Variants in C3orf62 observed in about 807,000 individuals in gnomAD.
C3orf62 encodes uncharacterized protein C3orf62.
C3orf62 carries 16 observed loss-of-function variants against 21.7 expected under a neutral mutation model. The observed-to-expected ratio is 0.74, with a 90% CI of 0.50 to 1.12. The LOEUF (loss-of-function observed/expected upper bound fraction) is 1.12. Ranked by LOEUF, C3orf62 falls within the 50% of genes most tolerant of loss-of-function variation. The pLI, the probability that C3orf62 is intolerant of heterozygous loss-of-function variation, is 0.00. For synonymous variants in C3orf62, 114 were observed against 117.0 expected, an observed-to-expected ratio of 0.97 and a Z score of 0.17; for missense variants, 310 against 318.8, an observed-to-expected ratio of 0.97 and a Z score of 0.21.
Position 49,276,543 on chromosome 3 carries a change from C to T in C3orf62, c.330G>A (p.Glu110=). 1.2e-6 allele frequency: 2 copies of T among 1,614,218 alleles called. No homozygotes were observed. The highest frequency in any genetic ancestry group is 2.2e-5 in the South Asian group (2 of 91,082). The change falls in exon 1 of 3, where the codon GAG becomes GAA. Residue 110 remains glutamate (E), a synonymous_variant. Transcript: ENST00000343010. Reference sequence around the variant, plus strand: ...TTTCCTTGCTGGTTAGAGGTTTTCTCTCGGGGCACAGAGCATGTGGTTTTG... The same window carrying T: ...TTTCCTTGCTGGTTAGAGGTTTTCTTTCGGGGCACAGAGCATGTGGTTTTG... ...VNAKPHALCP[E]RKPLTSKENV...
rs1020358122 is a variant in C3orf62 at position 49,276,720 on chromosome 3, G to A, written c.153C>T (p.Ala51=). Residue 51 remains alanine, a synonymous_variant, in exon 1 of 3, where the codon GCC becomes GCT. Coordinates refer to ENST00000343010, the MANE Select transcript of C3orf62 (RefSeq NM_198562.3). ...CTGQQRLELS[A]APLSFSLPVH... Reference sequence around the variant, plus strand: ...CGGGCAGCGAGAAGGAGAGCGGCGCGGCGCTCAGTTCCAGCCTCTGCTGGC... The same window carrying A: ...CGGGCAGCGAGAAGGAGAGCGGCGCAGCGCTCAGTTCCAGCCTCTGCTGGC... 2.5e-6 allele frequency: 4 copies of A among 1,614,174 alleles called. No individual in the cohort carries two copies. Among genetic ancestry groups the A allele is most frequent in the Non-Finnish European group, 2.5e-6 (3 of 1,180,032 alleles).
At chr3:49,275,416 A>G (rs1479575865) in intron 1 of C3orf62, among the ~76,000 whole-genome samples, 1 of 150,426 alleles carries the variant, frequency 6.6e-6, no homozygotes, top group African/African-American at 2.4e-5. Context: ...ACCAATATAA[A>G]TATTTGTGGA....
chr3:49,273,960 A>T, intron 2 of C3orf62, 89 bp downstream of exon 2: 1 of 952,586 alleles, frequency 1.0e-6, no homozygotes, highest in Non-Finnish European at 1.7e-6. Context: ...GGCCGAGAGC[A>T]TTTCTTATAT....
Position 49,277,132 on chromosome 3 carries a change from G to A in C3orf62, c.-260C>T, listed in dbSNP as rs547012372. On this transcript the variant is annotated 5_prime_UTR_variant, in exon 1 of 3. Transcript: ENST00000343010. ...GCCCCACCGCGGCTCCCAGGCCGCT[G>A]GCCCTACCGGCACCCCCCCTTTGGC... 1.8e-4 allele frequency: 259 copies of A among 1,461,302 alleles called. 1 individual carries two copies. The East Asian group carries it at 7.4e-3, about 42-fold the overall frequency. The allele number at this position is 1,461,302 out of a possible 1,614,324, so 90.5% of individuals were successfully genotyped here. A position where few individuals can be genotyped will look rare whatever the true frequency, so the allele number is the denominator to read the frequency against.
At chr3:49,275,527 T>TTG (rs1393935224) in intron 1 of C3orf62, among the ~76,000 whole-genome samples, 4 of 90,996 alleles carry the variant, frequency 4.4e-5, no homozygotes, top group East Asian at 3.0e-4. Flanking sequence ...AAGTTTTTTT[T>TTG]TTTTTTTTTT....
At chr3:49,272,614 G>A (rs1007082642) in intron 2 of C3orf62, among the ~76,000 whole-genome samples, 11 of 126,384 alleles carry the variant, frequency 8.7e-5, no homozygotes, top group African/African-American at 2.4e-4. Context: ...GTGCGATCTC[G>A]GCTCACTGCA....
rs1449707116 is a variant in C3orf62 at position 49,275,593 on chromosome 3, T to C, written c.446+834A>G. Among the ~76,000 whole-genome samples, 32 of 120,040 alleles carry C rather than the reference T, an allele frequency of 2.7e-4. No homozygotes were observed. In the East Asian group the frequency reaches 6.7e-3, roughly 25 times the overall value. 78.8% of individuals were successfully genotyped at this position (120,040 alleles called of 152,430 possible). A position where few individuals can be genotyped will look rare whatever the true frequency, so the allele number is the denominator to read the frequency against. On this transcript the variant is annotated intron_variant, in intron 1 of 2. Transcript: ENST00000343010. ...TCGCCCAGGCTGGAGTGCAGTGGCG[T>C]GATCTCGGCTCACTGCAAGCTCCGC...
intron 1 of C3orf62, among the ~76,000 whole-genome samples, chr3:49,275,529 T>TTG (rs2046949096): frequency 8.8e-6 from 1 of 114,180 alleles, no homozygotes; most frequent in East Asian, 2.7e-4. Flanking sequence ...GTTTTTTTTT[T>TTG]TTTTTTTTTT....
Position 49,271,385 on chromosome 3 carries a change from A to T in C3orf62, c.599T>A (p.Leu200Ter). The T allele has an allele frequency of 6.2e-7, 1 of 1,614,178 alleles. No individual in the cohort carries two copies. Among genetic ancestry groups the T allele is most frequent in the South Asian group, 1.1e-5 (1 of 91,086 alleles). The change falls in exon 3 of 3, where the codon TTG (leucine) becomes TAG (stop). Residue 200 changes from leucine (L) to a stop codon, truncating the protein, a stop_gained. Coordinates refer to ENST00000343010, the MANE Select transcript of C3orf62 (RefSeq NM_198562.3). LOFTEE classifies it high-confidence loss of function. ...LAGKIEFENELNHMCGHCQDS... is the reference protein window; with the variant it reads ...LAGKIEFENE ...TTGGCAATGACCACACATGTGGTTC[A>T]ATTCGTTTTCAAATTCTATTTTTCC...
In C3orf62 at chr3:49,277,021, C is replaced by T; in HGVS notation, c.-149G>A. On this transcript the variant is annotated 5_prime_UTR_variant, in exon 1 of 3. Coordinates refer to ENST00000343010, the MANE Select transcript of C3orf62 (RefSeq NM_198562.3). ...TGGAGTAGGCGGTTCTCGGCTCTCG[C>T]GGAGGAACCCGCCATCTGCCAGAAG... The T allele has an allele frequency of 2.1e-6, 3 of 1,461,112 alleles. No individual in the cohort carries two copies. Among genetic ancestry groups the T allele is most frequent in the Non-Finnish European group, 2.7e-6 (3 of 1,109,672 alleles). The allele number at this position is 1,461,112 out of a possible 1,614,324, so 90.5% of individuals were successfully genotyped here.
intron 2 of C3orf62, among the ~76,000 whole-genome samples, chr3:49,272,864 A>C (rs946676057): frequency 3.3e-5 from 5 of 151,870 alleles, no homozygotes; most frequent in Non-Finnish European, 7.4e-5. Flanking sequence ...TTTTCTCCTA[A>C]TCTTTAATTA....
In C3orf62 at chr3:49,277,138, A is replaced by G; in HGVS notation, c.-266T>C. 1 of 1,452,100 alleles carries G rather than the reference A, an allele frequency of 6.9e-7. No individual in the cohort carries two copies. Among genetic ancestry groups the G allele is most frequent in the Non-Finnish European group, 9.1e-7 (1 of 1,092,914 alleles). The allele number at this position is 1,452,100 out of a possible 1,614,324, so 90.0% of individuals were successfully genotyped here. A position where few individuals can be genotyped will look rare whatever the true frequency, so the allele number is the denominator to read the frequency against. On this transcript the variant is annotated 5_prime_UTR_variant, in exon 1 of 3. An upstream open reading frame in the 5' UTR loses its in-frame stop. Coordinates refer to ENST00000343010, the MANE Select transcript of C3orf62 (RefSeq NM_198562.3). ...CCGCGGCTCCCAGGCCGCTGGCCCT[A>G]CCGGCACCCCCCCTTTGGCGAGTCG... is the stretch of plus-strand genomic sequence containing the variant.
chr3:49,269,652 T>G lies in C3orf62; in HGVS notation c.*1528A>C, dbSNP rs2046902247. ...AGTGGTAGGTGGCCTGGAAGGAGCC[T>G]GTAGTTAGCCTTAACCTCAACTCCT... On this transcript the variant is annotated 3_prime_UTR_variant, in exon 3 of 3. Transcript: ENST00000343010. 1 of 152,252 alleles carries G rather than the reference T, an allele frequency of 6.6e-6. No homozygotes were observed. The allele number at this position is 152,252 out of a possible 1,614,324, so 9.4% of individuals were successfully genotyped here.
At chr3:49,275,268 C>T (rs970330342) in intron 1 of C3orf62, among the ~76,000 whole-genome samples, 46 of 151,922 alleles carry the variant, frequency 3.0e-4, no homozygotes, top group African/African-American at 1.0e-3. Context: ...CGCGCGCCAC[C>T]ACGCTCGGCT....
In C3orf62 at chr3:49,269,211, CAT is replaced by C. The variant is rs1331472463; in HGVS notation, c.*1967_*1968del. On this transcript the variant is annotated 3_prime_UTR_variant, in exon 3 of 3. Transcript: ENST00000343010. ...GGGAAGTGATGCACCCCTCTCATGA[CAT>C]ATACATGACATCACTTGGTTAGGTG... The C allele has an allele frequency of 2.0e-5, 3 of 152,204 alleles. No homozygotes were observed. The highest frequency in any genetic ancestry group is 4.4e-5 in the Non-Finnish European group (3 of 68,038). 9.4% of individuals were successfully genotyped at this position (152,204 alleles called of 1,614,324 possible). A position where few individuals can be genotyped will look rare whatever the true frequency, so the allele number is the denominator to read the frequency against.
intron 2 of C3orf62, 150 bp downstream of exon 2, chr3:49,273,899 T>A (rs2046931709): frequency 1.0e-5 from 6 of 594,344 alleles, no homozygotes; most frequent in Admixed American, 2.8e-5. Context: ...CATGATTCGA[T>A]CTCCTCGGCC....
Position 49,271,746 on chromosome 3 carries a change from G to GA in C3orf62, c.539-302dup, listed in dbSNP as rs1003614483. Reference sequence around the variant, plus strand: ...TCTCAGGGATGACAAGACACAATGTGAAAAAAAAACAAGGAAACAAGGTCT... The same window carrying GA: ...TCTCAGGGATGACAAGACACAATGTGAAAAAAAAAACAAGGAAACAAGGTCT... On this transcript the variant is annotated intron_variant, in intron 2 of 2. Coordinates refer to ENST00000343010, the MANE Select transcript of C3orf62 (RefSeq NM_198562.3). 1.3e-4 allele frequency among the ~76,000 whole-genome samples: 20 copies of GA among 148,984 alleles called. No individual in the cohort carries two copies. In the East Asian group the frequency reaches 1.4e-3, roughly 10 times the overall value.
Position 49,276,911 on chromosome 3 carries a change from G to C in C3orf62, c.-39C>G, listed in dbSNP as rs757221178. On this transcript the variant is annotated 5_prime_UTR_variant, in exon 1 of 3. Coordinates refer to ENST00000343010, the MANE Select transcript of C3orf62 (RefSeq NM_198562.3). ...GACAACACAATAATGTTACAAATGA[G>C]GCTGCAAACTACCCCTGAATGGCCA... 6 of 1,573,094 alleles carry C rather than the reference G, an allele frequency of 3.8e-6. No individual in the cohort carries two copies. Among genetic ancestry groups the C allele is most frequent in the Non-Finnish European group, 5.2e-6 (6 of 1,159,572 alleles).
At chr3:49,271,577 G>C (rs2046912032) in intron 2 of C3orf62, 132 bp from the exon 3 acceptor site, 2 of 1,188,652 alleles carry the variant, frequency 1.7e-6, no homozygotes, top group South Asian at 1.5e-5. Flanking sequence ...CCTGCCCCAG[G>C]ACAGGCAGGC....
Sources: gnomAD v4.1 joint callset for allele counts (sites outside exome capture counted in the v4.1 genomes callset) on GRCh38, gnomAD v4.1.1 for gene constraint, MANE v1.5 for transcripts, NCBI Gene and HGNC (gene_info 2026-07-23, HGNC 2026-07-21) for gene names.